Variants in TRIM36 observed in about 807,000 individuals in gnomAD.
TRIM36 encodes the protein tripartite motif containing 36, also known as E3 ubiquitin-protein ligase TRIM36.
A neutral mutation model predicts 72.4 loss-of-function variants in TRIM36; 42 were observed. The ratio of observed to expected loss-of-function variants is 0.58; its 90% CI spans 0.45 to 0.75. The LOEUF is 0.75. TRIM36 is among the 30% of genes least tolerant of loss of function. The pLI, the probability that TRIM36 is intolerant of heterozygous loss-of-function variation, is 0.00. For missense variants in TRIM36, 913 were observed against 857.1 expected, an observed-to-expected ratio of 1.07 and a Z score of -0.81; for synonymous variants, 315 against 282.8, an observed-to-expected ratio of 1.11 and a Z score of -1.14.
rs548155136 is a variant in TRIM36, at chr5:115,133,922, T to G, written c.1436A>C (p.Tyr479Ser). The change falls in exon 8 of 10, where the codon TAC (tyrosine) becomes TCC (serine). Residue 479 changes from tyrosine (Y) to serine (S), a missense_variant. Transcript: ENST00000513154. The stretch of plus-strand genomic sequence containing the variant: ...GCAAGGACTACAGATTGAACCCTTG[T>G]AAGCTCTTACTCTGAAAGCATAGGT... ...SSTYAFRVRA[Y>S]KGSICSPCSR... 9 of 1,613,544 alleles carry G rather than the reference T, an allele frequency of 5.6e-6. No homozygotes were observed. The African/African-American group carries it at 1.2e-4, about 22-fold the overall frequency.
intron 1 of TRIM36, among the ~76,000 whole-genome samples, chr5:115,166,115 C>A (rs1561446779): frequency 6.6e-6 from 1 of 152,204 alleles, no homozygotes; most frequent in Non-Finnish European, 1.5e-5. Context: ...GGGAGACAGG[C>A]TCCTGGGAGG....
chr5:115,152,994 G>A (rs1486880582), intron 2 of TRIM36, among the ~76,000 whole-genome samples: 1 of 152,002 alleles, frequency 6.6e-6, no homozygotes, highest in African/African-American at 2.4e-5. Flanking sequence ...AAGGTACACA[G>A]GCAAAAAAAT....
At chr5:115,149,569 GAAAAAAAAAAAAAA>G (rs748596152) in intron 2 of TRIM36, 2 of 19,264 alleles carry the variant, frequency 1.0e-4, no homozygotes, top group African/African-American at 2.1e-4. Context: ...TCAGAAATTT[GAAAAAAAAAAAAAA>G]AAAAAAAAAA....
upstream of TRIM36, among the ~76,000 whole-genome samples, chr5:115,170,433 C>G (rs1368538455): frequency 6.6e-6 from 1 of 152,226 alleles, no homozygotes; most frequent in Admixed American, 6.5e-5. Context: ...AAGCCACCTT[C>G]CCTGAATGGC....
chr5:115,153,233 A>T (rs1259439143), intron 2 of TRIM36, among the ~76,000 whole-genome samples: 1 of 152,234 alleles, frequency 6.6e-6, no homozygotes, highest in Non-Finnish European at 1.5e-5. Context: ...CAGCAGGAGT[A>T]GGTATTCTTA....
intron 3 of TRIM36, among the ~76,000 whole-genome samples, chr5:115,144,969 C>T (rs370134214): frequency 1.5e-4 from 23 of 152,262 alleles, no homozygotes; most frequent in South Asian, 8.3e-4. Flanking sequence ...ATGTTGTCTA[C>T]GGCCATACCC....
intron 8 of TRIM36, 26 bp from the exon 9 acceptor site, chr5:115,130,915 A>G (rs1329343948): frequency 3.8e-6 from 6 of 1,584,608 alleles, no homozygotes; most frequent in Admixed American, 1.7e-5. Flanking sequence ...AATTAATATC[A>G]GGCTAAAAAT....
chr5:115,157,365 C>G (rs2112884862), intron 2 of TRIM36, among the ~76,000 whole-genome samples: 1 of 152,182 alleles, frequency 6.6e-6, no homozygotes, highest in East Asian at 1.9e-4. Flanking sequence ...CAGTTCGAGA[C>G]CAGCCTGACT....
At chr5:115,170,867 C>G (rs1336823902), upstream of TRIM36, among the ~76,000 whole-genome samples, 3 of 152,228 alleles carry the variant, frequency 2.0e-5, no homozygotes, top group African/African-American at 7.2e-5. Flanking sequence ...TGCTGCTGAA[C>G]GTTAAGGCGC....
At position 115,126,713 on chromosome 5, in the gene TRIM36, A is replaced by G; in HGVS notation, c.1941T>C (p.Val647=). ...PTSSNEPENR[V]LPMPTSIGIF... ...TCCCAATACTTGTTGGCATAGGGAG[A>G]ACTCTATTTTCAGGTTCATTAGAAG... The change falls in exon 10 of 10, where the codon GTT becomes GTC. Residue 647 remains valine (V), a synonymous_variant. Coordinates refer to ENST00000513154, the MANE Select transcript of TRIM36 (RefSeq NM_001300759.2). 6.2e-7 allele frequency: 1 copy of G among 1,614,170 alleles called. No homozygotes were observed. The highest frequency in any genetic ancestry group is 8.5e-7 in the Non-Finnish European group (1 of 1,180,034).
In TRIM36 at chr5:115,138,350, C is replaced by T. The variant is rs139727926; in HGVS notation, c.832-734G>A. ...TCCTGACATCATGATCAACCCGCCT[C>T]GGCCTCCCAAAGTGTTGGGATTACA... On this transcript the variant is annotated intron_variant, in intron 5 of 9. Transcript: ENST00000513154. Among the ~76,000 whole-genome samples the T allele has an allele frequency of 3.2e-3, 482 of 152,238 alleles. 1 individual carries two copies. Among genetic ancestry groups the T allele is most frequent in the African/African-American group, 0.011 (457 of 41,542 alleles).
chr5:115,146,679 T>C (rs1234121473), intron 3 of TRIM36, among the ~76,000 whole-genome samples: 1 of 152,192 alleles, frequency 6.6e-6, no homozygotes, highest in Non-Finnish European at 1.5e-5. Flanking sequence ...AACAAAAATA[T>C]GTTTCGCAGT....
intron 7 of TRIM36, among the ~76,000 whole-genome samples, 181 bp from the exon 8 acceptor site, chr5:115,134,328 A>G (rs1279958562): frequency 6.6e-6 from 1 of 151,908 alleles, no homozygotes; most frequent in East Asian, 1.9e-4. Context: ...TTTTATATTT[A>G]AAAGGTATAT....
chr5:115,147,308 T>C lies in TRIM36; in HGVS notation c.349A>G (p.Ile117Val). ...EHDVDLGERG[I>V]NGLFRNFTLE... Reference sequence around the variant, plus strand: ...GTGAAGTTTCGAAACAGACCATTGATTCCTCGTTCTCCAAGATCCACATCA... The same window carrying C: ...GTGAAGTTTCGAAACAGACCATTGACTCCTCGTTCTCCAAGATCCACATCA... The change falls in exon 3 of 10, where the codon ATC becomes GTC. Residue 117 changes from isoleucine (I) to valine (V), a missense_variant. Physicochemically the swap from Ile to Val is conservative, Grantham distance 29. Coordinates refer to ENST00000513154, the MANE Select transcript of TRIM36 (RefSeq NM_001300759.2). 1.2e-6 allele frequency: 2 copies of C among 1,614,220 alleles called. No individual in the cohort carries two copies. The highest frequency in any genetic ancestry group is 1.7e-6 in the Non-Finnish European group (2 of 1,180,042).
At chr5:115,163,359 A>C (rs1293265113) in intron 2 of TRIM36, among the ~76,000 whole-genome samples, 159 bp downstream of exon 2, 1 of 152,192 alleles carries the variant, frequency 6.6e-6, no homozygotes, top group African/African-American at 2.4e-5. Flanking sequence ...TTGACATTTT[A>C]ACAGTGGGGG....
chr5:115,152,628 G>A (rs977212841), intron 2 of TRIM36, among the ~76,000 whole-genome samples: 1 of 152,104 alleles, frequency 6.6e-6, no homozygotes, highest in Non-Finnish European at 1.5e-5. Flanking sequence ...AAAAGTACCA[G>A]GTAACCTAGG....
intron 8 of TRIM36, among the ~76,000 whole-genome samples, chr5:115,132,067 G>A (rs1200303009): frequency 6.6e-6 from 1 of 151,796 alleles, no homozygotes; most frequent in Admixed American, 6.6e-5. Flanking sequence ...TGACCCCCAG[G>A]CATCATAGTG....
chr5:115,156,011 C>T (rs1318261868), intron 2 of TRIM36, among the ~76,000 whole-genome samples: 7 of 152,052 alleles, frequency 4.6e-5, no homozygotes, highest in African/African-American at 1.7e-4. Flanking sequence ...ACACCAACAG[C>T]GACCAAGCTG....
In TRIM36 at chr5:115,163,565, C is replaced by G; in HGVS notation, c.215G>C (p.Arg72Pro). ...DNSNQSSPRL[R>P]LPSPSMDKID... ...TTTATCCATACTAGGGGAGGGGAGC[C>G]GAAGTCGAGGACTGCTTTGATTGGA... Residue 72 changes from arginine to proline, a missense_variant, in exon 2 of 10, where the codon CGG becomes CCG. By Grantham distance (103) the Arg-to-Pro change is moderately radical. Coordinates refer to ENST00000513154, the MANE Select transcript of TRIM36 (RefSeq NM_001300759.2). 1 of 1,614,096 alleles carries G rather than the reference C, an allele frequency of 6.2e-7. No individual in the cohort carries two copies. The highest frequency in any genetic ancestry group is 8.5e-7 in the Non-Finnish European group (1 of 1,180,024).
Sources: allele counts gnomAD v4.1 joint callset (sites outside exome capture counted in the v4.1 genomes callset), GRCh38; gene constraint gnomAD v4.1.1; transcripts MANE v1.5; gene names NCBI Gene and HGNC (gene_info 2026-07-23, HGNC 2026-07-21).